GIMAP8: variants seen among roughly 807,000 people sequenced by gnomAD.
GIMAP8 encodes GTPase IMAP family member 8.
GIMAP8 carries 29 observed loss-of-function variants against 35.6 expected under a neutral mutation model. The ratio of observed to expected loss-of-function variants is 0.81; its 90% CI spans 0.61 to 1.11. The LOEUF is 1.11. Ranked by LOEUF, GIMAP8 falls within the 50% of genes most tolerant of loss-of-function variation. The pLI is 0.00. For synonymous variants in GIMAP8, 335 were observed against 308.7 expected (o/e 1.09, Z -0.89); for missense variants, 811 against 805.0 (o/e 1.01, Z -0.09).
chr7:150,455,668 T>C lies in GIMAP8; in HGVS notation c.-29+4493T>C, dbSNP rs554714085. Among the ~76,000 whole-genome samples, 3 of 152,320 alleles carry C rather than the reference T, an allele frequency of 2.0e-5. No homozygotes were observed. The East Asian group carries it at 5.8e-4, about 29-fold the overall frequency. ...TGGCTTAAACCAGAGCTTGTTAAAT[T>C]TGAATGTGCACGAGGATAACCTGGG... On this transcript the variant is annotated intron_variant, in intron 1 of 4. Coordinates refer to ENST00000307271, the MANE Select transcript of GIMAP8 (RefSeq NM_175571.4).
At chr7:150,466,574 G>A (rs1020738383) in intron 1 of GIMAP8, 97 bp from the exon 2 acceptor site, 7 of 1,045,436 alleles carry the variant, frequency 6.7e-6, no homozygotes, top group Non-Finnish European at 8.2e-6. Flanking sequence ...ATTCATTGGC[G>A]GCAATTTGAG....
chr7:150,467,449 T>C, intron 2 of GIMAP8, 115 bp downstream of exon 2: 1 of 803,030 alleles, frequency 1.2e-6, no homozygotes, highest in South Asian at 1.9e-5. Context: ...TTTTGTTTAA[T>C]AAGATATTTA....
intron 3 of GIMAP8, among the ~76,000 whole-genome samples, chr7:150,473,121 C>T (rs1366861969): frequency 6.6e-6 from 1 of 152,190 alleles, no homozygotes; most frequent in Non-Finnish European, 1.5e-5. Flanking sequence ...AGACCCTTCC[C>T]ACGAAGGCTG....
chr7:150,468,313 T>C (rs1291931037), intron 2 of GIMAP8, among the ~76,000 whole-genome samples: 1 of 152,194 alleles, frequency 6.6e-6, no homozygotes, highest in Non-Finnish European at 1.5e-5. Context: ...GAAAATGTAT[T>C]TGTAACTAAG....
chr7:150,470,946 G>A, intron 3 of GIMAP8, 72 bp downstream of exon 3: 1 of 1,150,828 alleles, frequency 8.7e-7, no homozygotes, highest in African/African-American at 1.6e-5. Flanking sequence ...CCAAAGTGAA[G>A]CGGAAACATT....
intron 1 of GIMAP8, 74 bp from the exon 2 acceptor site, chr7:150,466,597 T>A: frequency 7.6e-7 from 1 of 1,312,174 alleles, no homozygotes; most frequent in South Asian, 1.4e-5. Context: ...AAAAAGAGAA[T>A]GTCTTTTCTT....
chr7:150,464,784 T>G (rs1214141381), intron 1 of GIMAP8, among the ~76,000 whole-genome samples: 1 of 152,262 alleles, frequency 6.6e-6, no homozygotes, highest in Admixed American at 6.5e-5. Flanking sequence ...CCAGATTGTT[T>G]TCTTTAAAAT....
At chr7:150,466,631 T>A in intron 1 of GIMAP8, 40 bp from the exon 2 acceptor site, 1 of 1,527,656 alleles carries the variant, frequency 6.5e-7, no homozygotes, top group Non-Finnish European at 8.9e-7. Flanking sequence ...CCACTCTGTG[T>A]GGGAGTTGAA....
chr7:150,454,645 T>C (rs1402157759), intron 1 of GIMAP8, among the ~76,000 whole-genome samples: 3 of 152,146 alleles, frequency 2.0e-5, no homozygotes, highest in African/African-American at 7.2e-5. Context: ...TTTTTGAGCC[T>C]ACAGGAACAC....
chr7:150,477,165 C>A lies in GIMAP8; in HGVS notation c.1383C>A (p.Ser461Arg), dbSNP rs775099199. Residue 461 changes from serine to arginine, a missense_variant, in exon 5 of 5, where the codon AGC (serine) becomes AGA (arginine). By Grantham distance (110) the Ser-to-Arg change is moderately radical. Transcript: ENST00000307271. ...KSATGNSILG[S>R]LVFTSRLRAQ... is the part of the protein sequence containing the mutation. ...CGACCGGGAACTCTATCCTGGGGAG[C>A]CTCGTCTTCACCTCTCGGCTCCGGG... is the stretch of plus-strand genomic sequence containing the variant. 1.2e-6 allele frequency: 2 copies of A among 1,614,074 alleles called. No individual in the cohort carries two copies.
chr7:150,465,562 G>A (rs1340296053), intron 1 of GIMAP8, among the ~76,000 whole-genome samples: 1 of 152,180 alleles, frequency 6.6e-6, no homozygotes, highest in Admixed American at 6.5e-5. Context: ...AACAGGTACA[G>A]CAAATCAGCT....
chr7:150,455,474 C>T (rs1045795491), intron 1 of GIMAP8, among the ~76,000 whole-genome samples: 3 of 152,172 alleles, frequency 2.0e-5, no homozygotes, highest in Non-Finnish European at 4.4e-5. Context: ...CAGGAATACA[C>T]TAAAAGTCCA....
At chr7:150,458,960 T>C (rs554502056) in intron 1 of GIMAP8, among the ~76,000 whole-genome samples, 9 of 152,328 alleles carry the variant, frequency 5.9e-5, no homozygotes, top group African/African-American at 2.2e-4. Context: ...CACGTGGTCA[T>C]AACTGGTATT....
intron 1 of GIMAP8, among the ~76,000 whole-genome samples, chr7:150,463,235 C>A (rs1417943014): frequency 6.6e-6 from 1 of 151,996 alleles, no homozygotes; most frequent in African/African-American, 2.4e-5. Flanking sequence ...TCATTCAGAT[C>A]ATGAATTGTT....
intron 1 of GIMAP8, among the ~76,000 whole-genome samples, chr7:150,455,467 G>A (rs578119510): frequency 2.6e-5 from 4 of 152,310 alleles, no homozygotes; most frequent in African/African-American, 9.6e-5. Context: ...TCTGGTTCAG[G>A]AATACACTAA....
At chr7:150,470,310 G>T (rs1802058642) in intron 2 of GIMAP8, among the ~76,000 whole-genome samples, 1 of 152,156 alleles carries the variant, frequency 6.6e-6, no homozygotes, top group South Asian at 2.1e-4. Flanking sequence ...TGAAGTCTAG[G>T]AAGTTTCTAA....
chr7:150,451,365 G>T lies in GIMAP8; in HGVS notation c.-29+190G>T, dbSNP rs570398071. Among the ~76,000 whole-genome samples, 1 of 152,316 alleles carries T rather than the reference G, an allele frequency of 6.6e-6. No homozygotes were observed. Among genetic ancestry groups the T allele is most frequent in the African/African-American group, 2.4e-5 (1 of 41,566 alleles). ...GGGAAGGCAGCCTGCTCAGCCATGG[G>T]AGAGGAGGCTGGGTTGAATGGCAGG... On this transcript the variant is annotated intron_variant, in intron 1 of 4. Coordinates refer to ENST00000307271, the MANE Select transcript of GIMAP8 (RefSeq NM_175571.4). The surrounding 1 kb of genome is among the most constrained non-coding windows in gnomAD (Gnocchi z 4.1).
At position 150,474,632 on chromosome 7, in the gene GIMAP8, GA is replaced by G; in HGVS notation, c.1308del (p.Glu437LysfsTer3). 2 of 1,578,046 alleles carry G rather than the reference GA, an allele frequency of 1.3e-6. No individual in the cohort carries two copies. The highest frequency in any genetic ancestry group is 8.6e-7 in the Non-Finnish European group (1 of 1,166,142). On this transcript the variant is annotated frameshift_variant, in exon 4 of 5. Coordinates refer to ENST00000307271, the MANE Select transcript of GIMAP8 (RefSeq NM_175571.4). LOFTEE classifies it low-confidence loss of function (END_TRUNC). ...TGGGAACAAGCATTGTGTTTTCAGA[GA>G]AAAAGGTAAAACTGTGAATAGGATA... is the stretch of plus-strand genomic sequence containing the variant. ...QNGNKHCVFR[E>X]KETLNIVLVG...
chr7:150,461,832 T>C (rs971367041), intron 1 of GIMAP8, among the ~76,000 whole-genome samples: 1 of 152,246 alleles, frequency 6.6e-6, no homozygotes. Context: ...ATTGTGTTGT[T>C]TTTGGATTGT....
Sources: gnomAD v4.1 joint callset for allele counts (sites outside exome capture counted in the v4.1 genomes callset) on GRCh38, gnomAD v4.1.1 for gene constraint, Gnocchi (gnomAD v3.1) non-coding constraint, MANE v1.5 for transcripts, NCBI Gene and HGNC (gene_info 2026-07-23, HGNC 2026-07-21) for gene names.